Variants in ST7 observed in about 807,000 individuals in gnomAD.
ST7 encodes the protein suppressor of tumorigenicity 7 protein.
In ST7, 28 loss-of-function variants were observed where a neutral mutation model predicts 78.7. The ratio of observed to expected loss-of-function variants is 0.36; its 90% CI spans 0.26 to 0.49. The LOEUF is 0.49. ST7 is among the 20% of genes least tolerant of loss of function. The probability of loss-of-function intolerance (pLI) is 0.99; values close to 1 mark genes in which losing one functional copy is unlikely to be tolerated. For missense variants in ST7, 418 were observed against 696.0 expected (o/e 0.60, Z 4.49); for synonymous variants, 247 against 249.6 (o/e 0.99, Z 0.10).
At chr7:117,139,900 T>C (rs1805129558) in intron 9 of ST7, among the ~76,000 whole-genome samples, 2 of 152,330 alleles carry the variant, frequency 1.3e-5, no homozygotes, top group Non-Finnish European at 2.9e-5. Context: ...GCCAGTCACT[T>C]TGGCTCTGAA....
chr7:117,162,739 T>G lies in ST7; in HGVS notation c.964-8123T>G, dbSNP rs539607977. On this transcript the variant is annotated intron_variant, in intron 9 of 15. Coordinates refer to ENST00000323984, the MANE Select transcript of ST7 (RefSeq NM_001369598.1). Reference sequence around the variant, plus strand: ...CTTCTTTTATGAAGATATTTTGGCTTTTACATCTTATTCCTATTAACCAGG... The same window carrying G: ...CTTCTTTTATGAAGATATTTTGGCTGTTACATCTTATTCCTATTAACCAGG... 7.2e-5 allele frequency among the ~76,000 whole-genome samples: 11 copies of G among 152,194 alleles called. No individual in the cohort carries two copies. In the South Asian group the frequency reaches 2.3e-3, roughly 32 times the overall value.
intron 1 of ST7, chr7:116,972,159 G>A: frequency 1.8e-6 from 1 of 556,180 alleles, no homozygotes; most frequent in Middle Eastern, 4.1e-4. Flanking sequence ...GGTGGGACTG[G>A]GCTTTCTACA....
At chr7:117,084,600 C>T (rs1380244943) in intron 1 of ST7, among the ~76,000 whole-genome samples, 2 of 152,172 alleles carry the variant, frequency 1.3e-5, no homozygotes, top group South Asian at 2.1e-4. Context: ...ATTTAATCTT[C>T]ACTTTCTTAT....
At chr7:117,194,200 G>A (rs1161589293) in intron 12 of ST7, among the ~76,000 whole-genome samples, 1 of 152,176 alleles carries the variant, frequency 6.6e-6, no homozygotes, top group Non-Finnish European at 1.5e-5. Flanking sequence ...ATTACCAACA[G>A]AATTGTCACT....
chr7:117,119,422 TC>T (rs1302062359), intron 2 of ST7, 138 bp from the exon 3 acceptor site: 1 of 844,698 alleles, frequency 1.2e-6, no homozygotes, highest in African/African-American at 1.8e-5. Context: ...TTTACTAAAA[TC>T]TAATTTTTAG....
At chr7:116,958,551 T>C (rs755318742) in intron 1 of ST7, 56 of 466,998 alleles carry the variant, frequency 1.2e-4, no homozygotes, top group Admixed American at 1.1e-3. Flanking sequence ...TTGTCTAAAA[T>C]GTTCTTCCCT....
rs574761173 is a variant in ST7 at position 117,070,094 on chromosome 7, G to A, written c.152-29668G>A. Among the ~76,000 whole-genome samples, 72 of 152,336 alleles carry A rather than the reference G, an allele frequency of 4.7e-4. 1 individual carries two copies. The highest frequency in any genetic ancestry group is 1.7e-3 in the African/African-American group (71 of 41,578). ...GGAGAATCGTGGACTTAGTGTGGCT[G>A]TAGGGAAAATTCTTTTAGTCCTTTC... On this transcript the variant is annotated intron_variant, in intron 1 of 15. Transcript: ENST00000323984.
chr7:117,006,600 T>C (rs924043999), intron 1 of ST7, among the ~76,000 whole-genome samples: 3 of 152,238 alleles, frequency 2.0e-5, no homozygotes, highest in Non-Finnish European at 2.9e-5. Flanking sequence ...TACCAAACTT[T>C]TATAATTAGT....
At chr7:117,152,014 G>A (rs1369336741) in intron 9 of ST7, among the ~76,000 whole-genome samples, 2 of 151,382 alleles carry the variant, frequency 1.3e-5, no homozygotes, top group African/African-American at 4.9e-5. Context: ...AGCTACTTGG[G>A]AGGCTGAGGC....
At chr7:117,173,926 G>A (rs1253491104) in intron 10 of ST7, among the ~76,000 whole-genome samples, 3 of 152,022 alleles carry the variant, frequency 2.0e-5, no homozygotes, top group Non-Finnish European at 4.4e-5. Flanking sequence ...GGCCAGGGAT[G>A]GGGGTGTCGA....
chr7:117,146,947 G>A (rs1442596205), intron 9 of ST7, among the ~76,000 whole-genome samples: 3 of 152,166 alleles, frequency 2.0e-5, no homozygotes, highest in Non-Finnish European at 4.4e-5. Flanking sequence ...GATTTGATTA[G>A]ATCCCTCTTA....
intron 1 of ST7, chr7:116,955,076 G>C (rs77466317): frequency 6.4e-6 from 3 of 469,708 alleles, no homozygotes; most frequent in East Asian, 1.4e-4. Flanking sequence ...GTCTGTCATC[G>C]GAAAGACCAT....
intron 9 of ST7, among the ~76,000 whole-genome samples, chr7:117,169,831 G>A (rs1162260870): frequency 7.5e-6 from 1 of 134,096 alleles, no homozygotes; most frequent in African/African-American, 2.9e-5. Context: ...TTTGTCCTGA[G>A]TAGTTCTCCA....
At chr7:117,127,751 T>A (rs570083422) in intron 3 of ST7, among the ~76,000 whole-genome samples, 2 of 151,902 alleles carry the variant, frequency 1.3e-5, no homozygotes, top group Non-Finnish European at 2.9e-5. Context: ...TATTTCACAA[T>A]GTTTGCTGCA....
intron 1 of ST7, among the ~76,000 whole-genome samples, chr7:117,087,154 C>T (rs749129918): frequency 6.6e-6 from 1 of 152,214 alleles, no homozygotes; most frequent in Non-Finnish European, 1.5e-5. Flanking sequence ...TTGAATTTTA[C>T]TACCCCATGG....
At chr7:117,009,221 A>T (rs1197380442) in intron 1 of ST7, among the ~76,000 whole-genome samples, 1 of 151,000 alleles carries the variant, frequency 6.6e-6, no homozygotes, top group Non-Finnish European at 1.5e-5. Context: ...TGCTACAGCT[A>T]AGAAATTCCT....
At chr7:117,131,137 T>C (rs1308051547) in intron 5 of ST7, among the ~76,000 whole-genome samples, 3 of 151,810 alleles carry the variant, frequency 2.0e-5, no homozygotes, top group South Asian at 4.1e-4. Flanking sequence ...ATAATTCAAC[T>C]GAAATTTTTT....
chr7:117,130,806 A>C (rs1389355729), intron 5 of ST7, 200 bp downstream of exon 5: 2 of 427,302 alleles, frequency 4.7e-6, no homozygotes, highest in African/African-American at 4.1e-5. Flanking sequence ...GAGTCCCCTC[A>C]TAATAATTTG....
intron 1 of ST7, among the ~76,000 whole-genome samples, chr7:117,022,238 C>G (rs1795956350): frequency 1.3e-5 from 2 of 152,170 alleles, no homozygotes; most frequent in African/African-American, 4.8e-5. Flanking sequence ...AATAGAATAT[C>G]CTTCAGAAGA....
Sources: allele counts gnomAD v4.1 joint callset (sites outside exome capture counted in the v4.1 genomes callset), GRCh38; gene constraint gnomAD v4.1.1; transcripts MANE v1.5; gene names NCBI Gene and HGNC (gene_info 2026-07-23, HGNC 2026-07-21).